Variants in TCF25 observed in about 807,000 individuals in gnomAD.
The protein encoded by TCF25 is ribosome quality control complex subunit TCF25.
A neutral mutation model predicts 83.1 loss-of-function variants in TCF25; 41 were observed. That is an observed-to-expected ratio of 0.49 (90% CI 0.38 to 0.64). TCF25 has a LOEUF of 0.64. TCF25 is among the 30% of genes least tolerant of loss of function. The pLI, the probability that TCF25 is intolerant of heterozygous loss-of-function variation, is 0.00. For synonymous variants in TCF25, 458 were observed against 365.0 expected (o/e 1.25, Z -2.90); for missense variants, 979 against 914.5 (o/e 1.07, Z -0.91).
At chr16:89,909,432 A>C in intron 16 of TCF25, 1 of 227,438 alleles carries the variant, frequency 4.4e-6, no homozygotes. Context: ...AATTGTTTGA[A>C]CCCGGGAGGC....
intron 1 of TCF25, 123 bp downstream of exon 1, chr16:89,873,982 C>T: frequency 8.0e-7 from 1 of 1,250,282 alleles, no homozygotes; most frequent in Non-Finnish European, 1.1e-6. Flanking sequence ...GACGTGGGTC[C>T]CAGCCGCAGT....
chr16:89,898,386 G>A (rs1211464189), intron 9 of TCF25, among the ~76,000 whole-genome samples, 171 bp from the exon 10 acceptor site: 3 of 151,542 alleles, frequency 2.0e-5, no homozygotes, highest in Admixed American at 6.6e-5. Context: ...AGCAGTGTGT[G>A]GGGTGGAGCG....
At position 89,892,683 on chromosome 16, in the gene TCF25, A is replaced by G. The variant is rs116602360; in HGVS notation, c.697+408A>G. On this transcript the variant is annotated intron_variant, in intron 6 of 17. Coordinates refer to ENST00000263346, the MANE Select transcript of TCF25 (RefSeq NM_014972.3). ...TTTAAACTGCAATATTTTGTATATTATTGCAAACTAATAAGTGATTTTAAG... is the reference window on the plus strand; with the variant it reads ...TTTAAACTGCAATATTTTGTATATTGTTGCAAACTAATAAGTGATTTTAAG... Among the ~76,000 whole-genome samples, 602 of 152,366 alleles carry G rather than the reference A, an allele frequency of 4.0e-3. 7 individuals carry two copies. Among genetic ancestry groups the G allele is most frequent in the African/African-American group, 0.014 (565 of 41,586 alleles).
intron 1 of TCF25, among the ~76,000 whole-genome samples, chr16:89,881,517 C>T (rs2042604899): frequency 7.7e-6 from 1 of 129,050 alleles, no homozygotes; most frequent in African/African-American, 3.6e-5. Context: ...GTGATCATGG[C>T]TCACTCCAGG....
intron 6 of TCF25, 112 bp from the exon 7 acceptor site, chr16:89,893,616 T>A (rs1185210773): frequency 2.6e-5 from 40 of 1,537,008 alleles, no homozygotes; most frequent in Non-Finnish European, 3.5e-5. Flanking sequence ...CAGGTCAAGT[T>A]TGTCGATATC....
Position 89,899,810 on chromosome 16 carries a change from G to A in TCF25, c.1222-825G>A, listed in dbSNP as rs550329018. Among the ~76,000 whole-genome samples the A allele has an allele frequency of 3.3e-5, 5 of 152,324 alleles. No homozygotes were observed. The East Asian group carries it at 9.6e-4, about 29-fold the overall frequency. ...GGCAGCACTTATCTGGAAGGACACG[G>A]GCTTTGTAACGCTAACCTCCAGCAG... On this transcript the variant is annotated intron_variant, in intron 11 of 17. Coordinates refer to ENST00000263346, the MANE Select transcript of TCF25 (RefSeq NM_014972.3).
chr16:89,906,820 G>T (rs1392226405), intron 15 of TCF25, among the ~76,000 whole-genome samples: 1 of 152,114 alleles, frequency 6.6e-6, no homozygotes, highest in African/African-American at 2.4e-5. Flanking sequence ...CTTTGTCTGG[G>T]GCTGTGAGCT....
Position 89,893,637 on chromosome 16 carries a change from C to T in TCF25, c.698-91C>T, listed in dbSNP as rs866495019. The T allele has an allele frequency of 3.7e-5, 59 of 1,596,190 alleles. 2 individuals are homozygous for T. In the Admixed American group the frequency reaches 5.1e-4, roughly 14 times the overall value. Reference sequence around the variant, plus strand: ...AAGTTTGTCGATATCGCAGAGGCCTCATCCAGAACACCACGAAGGTGAGGG... The same window carrying T: ...AAGTTTGTCGATATCGCAGAGGCCTTATCCAGAACACCACGAAGGTGAGGG... On this transcript the variant is annotated intron_variant, in intron 6 of 17. Transcript: ENST00000263346.
rs2045527808 is a variant in TCF25 at position 89,911,205 on chromosome 16, G to C, written c.1998G>C (p.Glu666Asp). 6.2e-7 allele frequency: 1 copy of C among 1,612,550 alleles called. No individual in the cohort carries two copies. ...TCAACGACCTGGAGGCGCCGCACGA[G>C]GACGACGCTGAGGGGGAGGGGGAGT... ...FHLNDLEAPHEDDAEGEGEWD is the reference protein window; with the variant it reads ...FHLNDLEAPHDDDAEGEGEWD The change falls in exon 18 of 18, where the codon GAG becomes GAC. Residue 666 changes from glutamate to aspartate, a missense_variant. Coordinates refer to ENST00000263346, the MANE Select transcript of TCF25 (RefSeq NM_014972.3).
At chr16:89,907,502 C>CGT in intron 16 of TCF25, among the ~76,000 whole-genome samples, 180 bp downstream of exon 16, 1 of 110,140 alleles carries the variant, frequency 9.1e-6, no homozygotes, top group Non-Finnish European at 1.9e-5. Context: ...CACCTCCCTC[C>CGT]TCCCACCTCC....
At chr16:89,875,964 C>G (rs13335769) in intron 1 of TCF25, among the ~76,000 whole-genome samples, 7,208 of 151,252 alleles carry the variant, frequency 0.048, 507 homozygotes, top group African/African-American at 0.15. Flanking sequence ...GCATACCCTA[C>G]CATGCTCAGC....
At chr16:89,891,243 A>G (rs563282423) in intron 5 of TCF25, among the ~76,000 whole-genome samples, 1 of 152,188 alleles carries the variant, frequency 6.6e-6, no homozygotes, top group Admixed American at 6.5e-5. Flanking sequence ...ACCGCAGGTC[A>G]GGCCATCCCT....
rs1275037257 is a variant in TCF25 at position 89,896,382 on chromosome 16, A to AAAAAAT, written c.1022+315_1022+320dup. On this transcript the variant is annotated intron_variant, in intron 9 of 17. Coordinates refer to ENST00000263346, the MANE Select transcript of TCF25 (RefSeq NM_014972.3). Reference sequence around the variant, plus strand: ...ACCATAGTGAGACCCCCATCTCTTAAAAAAATAAAAATAAAAATAAATGTT... The same window carrying AAAAAAT: ...ACCATAGTGAGACCCCCATCTCTTAAAAAAATAAAAATAAAAATAAAAATAAATGTT... Among the ~76,000 whole-genome samples, 5 of 152,010 alleles carry AAAAAAT rather than the reference A, an allele frequency of 3.3e-5. No homozygotes were observed. The South Asian group carries it at 6.2e-4, about 19-fold the overall frequency.
At chr16:89,907,163 CG>C in intron 15 of TCF25, 79 bp from the exon 16 acceptor site, 1 of 1,394,708 alleles carries the variant, frequency 7.2e-7, no homozygotes, top group Non-Finnish European at 1.0e-6. Flanking sequence ...ATGCTGGAGT[CG>C]ACAGAAGGAC....
rs1250488236 is a variant in TCF25, at chr16:89,896,037, C to G, written c.976C>G (p.Leu326Val). The change falls in exon 9 of 18, where the codon CTC becomes GTC. Residue 326 changes from leucine to valine, a missense_variant. Physicochemically the swap from Leu to Val is conservative, Grantham distance 32. Coordinates refer to ENST00000263346, the MANE Select transcript of TCF25 (RefSeq NM_014972.3). ...MECAFHPLFS[L>V]TSGACRLDYR... ...ATGTGCGTTCCACCCCCTGTTCAGT[C>G]TCACCAGTGGGGCCTGCCGGCTGGA... is the stretch of plus-strand genomic sequence containing the variant. 6.2e-7 allele frequency: 1 copy of G among 1,613,932 alleles called. No homozygotes were observed. Among genetic ancestry groups the G allele is most frequent in the Non-Finnish European group, 8.5e-7 (1 of 1,180,008 alleles).
chr16:89,898,751 G>C lies in TCF25; in HGVS notation c.1116-16G>C, dbSNP rs774452741. ...CCTGTTCCCCTTTGCTCTGCTCTCT[G>C]TGCTGCCTCCGGAAGTCTCGAGCCG... On this transcript the variant is annotated splice_polypyrimidine_tract_variant and intron_variant, in intron 10 of 17. Coordinates refer to ENST00000263346, the MANE Select transcript of TCF25 (RefSeq NM_014972.3). 1.9e-6 allele frequency: 3 copies of C among 1,613,704 alleles called. No homozygotes were observed. Among genetic ancestry groups the C allele is most frequent in the Non-Finnish European group, 2.5e-6 (3 of 1,179,998 alleles).
In TCF25 at chr16:89,887,636, ATT is replaced by A. The variant is rs1452473424; in HGVS notation, c.549-13_549-12del. ...CATAATTTCATGTTTTTTTTCTACA[ATT>A]TTCAATTCCCCAGACACTTGAATCC... On this transcript the variant is annotated splice_polypyrimidine_tract_variant and intron_variant, in intron 4 of 17. Transcript: ENST00000263346. The A allele has an allele frequency of 6.4e-7, 1 of 1,571,982 alleles. No individual in the cohort carries two copies. The highest frequency in any genetic ancestry group is 8.6e-7 in the Non-Finnish European group (1 of 1,166,074).
intron 9 of TCF25, among the ~76,000 whole-genome samples, chr16:89,896,473 C>T (rs373338895): frequency 2.0e-5 from 3 of 151,652 alleles, no homozygotes; most frequent in East Asian, 1.9e-4. Context: ...TTTGGGAGGC[C>T]GAGGTGGGAG....
Position 89,900,735 on chromosome 16 carries a change from G to A in TCF25, c.1322G>A (p.Ser441Asn). 1 of 1,600,260 alleles carries A rather than the reference G, an allele frequency of 6.2e-7. No homozygotes were observed. Among genetic ancestry groups the A allele is most frequent in the Non-Finnish European group, 8.6e-7 (1 of 1,168,372 alleles). ...ACAGACCTCCCTGAGTGTGAGCAGA[G>A]CTCTGCCAGGCAGAAGGCCTCTCTC... ...QQTDLPECEQ[S>N]SARQKASLLI... The change falls in exon 12 of 18, where the codon AGC (serine) becomes AAC (asparagine). Residue 441 changes from serine (S) to asparagine (N), a missense_variant. Transcript: ENST00000263346.
Sources: gnomAD v4.1 joint callset for allele counts (sites outside exome capture counted in the v4.1 genomes callset) on GRCh38, gnomAD v4.1.1 for gene constraint, MANE v1.5 for transcripts, NCBI Gene and HGNC (gene_info 2026-07-23, HGNC 2026-07-21) for gene names.